Variants in PIGN observed in about 807,000 individuals in gnomAD.
The protein encoded by PIGN is GPI ethanolamine phosphate transferase 1.
Under a neutral mutation model 125.4 loss-of-function variants are expected in PIGN, and 117 were observed. The observed-to-expected ratio is 0.93, with a 90% CI of 0.80 to 1.09. The LOEUF (loss-of-function observed/expected upper bound fraction) is 1.09. PIGN is among the 50% of genes least tolerant of loss of function. The pLI, the probability that PIGN is intolerant of heterozygous loss-of-function variation, is 0.00. For missense variants in PIGN, 1,075 were observed against 1,094.9 expected, an observed-to-expected ratio of 0.98 and a Z score of 0.26; for synonymous variants, 392 against 377.8, an observed-to-expected ratio of 1.04 and a Z score of -0.44.
chr18:62,101,796 GTTAT>G (rs1004647216), intron 21 of PIGN, among the ~76,000 whole-genome samples: 10 of 152,064 alleles, frequency 6.6e-5, no homozygotes, highest in African/African-American at 2.2e-4. Context: ...TCTAGACGTG[GTTAT>G]TTATTTATTT....
intron 14 of PIGN, among the ~76,000 whole-genome samples, chr18:62,127,547 G>A (rs576282244): frequency 3.3e-5 from 5 of 152,228 alleles, no homozygotes; most frequent in East Asian, 3.9e-4. Flanking sequence ...TTAAATGAGC[G>A]AACACTGATA....
At chr18:62,086,590 C>T (rs575806595) in intron 25 of PIGN, among the ~76,000 whole-genome samples, 3 of 150,518 alleles carry the variant, frequency 2.0e-5, no homozygotes, top group African/African-American at 4.9e-5. Context: ...GCACTCCAGC[C>T]TAGTGACAGA....
intron 25 of PIGN, among the ~76,000 whole-genome samples, chr18:62,088,086 TGTG>T (rs1400363275): frequency 6.6e-6 from 1 of 152,240 alleles, no homozygotes; most frequent in Non-Finnish European, 1.5e-5. Context: ...TTAGCTTGAT[TGTG>T]GTGATCATTT....
rs78396320 is a variant in PIGN at position 62,062,596 on chromosome 18, G to A, written c.2672+10077C>T. Among the ~76,000 whole-genome samples, 730 of 151,916 alleles carry A rather than the reference G, an allele frequency of 4.8e-3. 22 individuals are homozygous for A. The highest frequency in any genetic ancestry group is 0.042 in the East Asian group (216 of 5,162). ...ACCAGGCATAAATCAGGAAGTCTCC[G>A]GGAAATCAGGGCATAGGATCACTGT... On this transcript the variant is annotated intron_variant, in intron 30 of 30. Coordinates refer to ENST00000640252, the MANE Select transcript of PIGN (RefSeq NM_176787.5).
intron 23 of PIGN, among the ~76,000 whole-genome samples, chr18:62,093,728 T>C (rs1451232592): frequency 6.6e-6 from 1 of 152,138 alleles, no homozygotes; most frequent in Non-Finnish European, 1.5e-5. Flanking sequence ...TTCTATATTA[T>C]AATATAACTA....
Position 62,148,215 on chromosome 18 carries a change from T to C in PIGN, c.673A>G (p.Arg225Gly). 6.5e-7 allele frequency: 1 copy of C among 1,540,312 alleles called. No individual in the cohort carries two copies. ...TNGHAHRPSS[R>G]DYKHNIKKVD... ...CAATTAAACACAATATTAAATTACC[T>C]CGAGGATGGTCGATGAGCATGTCCG... Residue 225 changes from arginine to glycine, a missense_variant and splice_region_variant, in exon 8 of 31, where the codon AGA (arginine) becomes GGA (glycine). Arg to Gly is a moderately radical substitution (Grantham distance 125). Around this residue, in one of 3 missense-constraint regions of PIGN, gnomAD observed 915 missense variants for 908.7 expected, o/e 1.01. Transcript: ENST00000640252.
intron 14 of PIGN, among the ~76,000 whole-genome samples, chr18:62,117,134 T>C (rs895229431): frequency 6.6e-6 from 1 of 152,100 alleles, no homozygotes; most frequent in African/African-American, 2.4e-5. Context: ...TCACCAAATG[T>C]TCTATACAAG....
chr18:62,078,069 A>C (rs2033263881), intron 28 of PIGN, among the ~76,000 whole-genome samples: 1 of 152,148 alleles, frequency 6.6e-6, no homozygotes, highest in Non-Finnish European at 1.5e-5. Context: ...CCTGTCTCCA[A>C]ATTTAGTCAT....
At chr18:62,104,056 TGAA>T (rs1319506571) in intron 20 of PIGN, among the ~76,000 whole-genome samples, 1 of 152,158 alleles carries the variant, frequency 6.6e-6, no homozygotes, top group Non-Finnish European at 1.5e-5. Context: ...TGTGATTTTC[TGAA>T]GAAGGGAGAT....
At chr18:62,065,704 C>G (rs938469148) in intron 30 of PIGN, among the ~76,000 whole-genome samples, 1 of 151,924 alleles carries the variant, frequency 6.6e-6, no homozygotes, top group African/African-American at 2.4e-5. Flanking sequence ...CCACTGCACT[C>G]CAGCCTGGGT....
At chr18:62,036,014 A>G (rs2030256394) in intron 23 of PIGN, among the ~76,000 whole-genome samples, 1 of 152,062 alleles carries the variant, frequency 6.6e-6, no homozygotes, top group Non-Finnish European at 1.5e-5. Context: ...TTTCAAATGC[A>G]TTATTCCTAG....
In PIGN at chr18:62,105,571, C is replaced by A; in HGVS notation, c.1831G>T (p.Val611Leu). The change falls in exon 20 of 31, where the codon GTA becomes TTA. Residue 611 changes from valine to leucine, a missense_variant. Transcript: ENST00000640252. Reference protein sequence around the residue: ...LLAVFPLMPVVGRKPDISLVM... With the variant: ...LLAVFPLMPVLGRKPDISLVM... ...AGAGAGATGTCTGGCTTTCGACCTA[C>A]AACCGGCATCAGTGGGAACACTGCC... 6.4e-7 allele frequency: 1 copy of A among 1,553,386 alleles called. No individual in the cohort carries two copies. The highest frequency in any genetic ancestry group is 8.7e-7 in the Non-Finnish European group (1 of 1,147,128).
intron 1 of PIGN, among the ~76,000 whole-genome samples, chr18:62,181,951 C>T (rs1416584373): frequency 6.6e-6 from 1 of 152,172 alleles, no homozygotes; most frequent in Admixed American, 6.5e-5. Flanking sequence ...GTCTCAAACT[C>T]CTGACCTCAG....
At chr18:62,129,860 C>T (rs2035669061) in intron 14 of PIGN, among the ~76,000 whole-genome samples, 1 of 152,160 alleles carries the variant, frequency 6.6e-6, no homozygotes, top group Admixed American at 6.6e-5. Flanking sequence ...GGTCCTAACC[C>T]CTGGTATCTG....
At chr18:62,152,956 T>A (rs923822657) in intron 7 of PIGN, among the ~76,000 whole-genome samples, 1 of 151,654 alleles carries the variant, frequency 6.6e-6, no homozygotes, top group African/African-American at 2.4e-5. Flanking sequence ...TAAACATGAG[T>A]CTCTAGCCAG....
rs17715866 is a variant in PIGN at position 62,157,876 on chromosome 18, A to C, written c.222-68T>G. Reference sequence around the variant, plus strand: ...AGATACTCTCACATAAAGCTTTAGAAACATAAGATTATTACAGAAGGAATC... The same window carrying C: ...AGATACTCTCACATAAAGCTTTAGACACATAAGATTATTACAGAAGGAATC... On this transcript the variant is annotated intron_variant, in intron 4 of 30. Coordinates refer to ENST00000640252, the MANE Select transcript of PIGN (RefSeq NM_176787.5). 0.21 allele frequency: 298,564 copies of C among 1,406,202 alleles called. 35,173 individuals are homozygous for C. The highest frequency in any genetic ancestry group is 0.25 in the Middle Eastern group (1,393 of 5,612). 87.1% of individuals were successfully genotyped at this position (1,406,202 alleles called of 1,614,324 possible).
intron 30 of PIGN, among the ~76,000 whole-genome samples, chr18:62,061,621 C>T (rs2032147162): frequency 1.3e-5 from 2 of 150,368 alleles, no homozygotes; most frequent in African/African-American, 4.9e-5. Context: ...GCTAATTATA[C>T]TATTAACACA....
Position 62,101,136 on chromosome 18 carries a change from A to G in PIGN, c.2016T>C (p.Ser672=). The change falls in exon 22 of 31, where the codon AGT becomes AGC. Residue 672 remains serine, a synonymous_variant. Coordinates refer to ENST00000640252, the MANE Select transcript of PIGN (RefSeq NM_176787.5). Reference sequence around the variant, plus strand: ...GCAGTCCTTGCTTCCTGAGTAGACTACTCTGAGTGCTATACACAACATACA... The same window carrying G: ...GCAGTCCTTGCTTCCTGAGTAGACTGCTCTGAGTGCTATACACAACATACA... ...LSMYVVYSTQ[S]SLLRKQGLPL... is the part of the protein sequence containing the mutation. 2 of 1,611,732 alleles carry G rather than the reference A, an allele frequency of 1.2e-6. No homozygotes were observed. The highest frequency in any genetic ancestry group is 1.1e-5 in the South Asian group (1 of 91,054).
At chr18:62,186,764 G>A (rs2038059556) in intron 1 of PIGN, 80 bp downstream of exon 1, 1 of 152,274 alleles carries the variant, frequency 6.6e-6, no homozygotes, top group Admixed American at 6.5e-5. Context: ...GTGCAGCGCA[G>A]TAGGGAAACA....
Sources: gnomAD v4.1 joint callset for allele counts (sites outside exome capture counted in the v4.1 genomes callset) on GRCh38, gnomAD v4.1.1 for gene constraint, gnomAD v4.1.1 regional missense constraint, MANE v1.5 for transcripts, NCBI Gene and HGNC (gene_info 2026-07-23, HGNC 2026-07-21) for gene names.